NLGN1: variants seen among roughly 807,000 people sequenced by gnomAD.
NLGN1 encodes neuroligin 1.
A neutral mutation model predicts 65.5 loss-of-function variants in NLGN1; 12 were observed. The observed-to-expected ratio is 0.18, with a 90% CI of 0.12 to 0.30. The LOEUF (loss-of-function observed/expected upper bound fraction) is 0.30, where lower values mean the gene tolerates loss of function less well. Ranked by LOEUF, NLGN1 falls within the 10% of genes least tolerant of loss-of-function variation. The pLI, the probability that NLGN1 is intolerant of heterozygous loss-of-function variation, is 1.00. For synonymous variants in NLGN1, 350 were observed against 359.5 expected, an observed-to-expected ratio of 0.97 and a Z score of 0.30; for missense variants, 750 against 1,007.1, an observed-to-expected ratio of 0.74 and a Z score of 3.46.
At chr3:174,216,122 T>G (rs1220515263) in intron 4 of NLGN1, among the ~76,000 whole-genome samples, 1 of 152,172 alleles carries the variant, frequency 6.6e-6, no homozygotes, top group Non-Finnish European at 1.5e-5. Context: ...TGTTCTTTAA[T>G]AATTCCTATT....
intron 3 of NLGN1, among the ~76,000 whole-genome samples, chr3:173,770,549 A>T (rs1194990155): frequency 6.6e-6 from 1 of 152,174 alleles, no homozygotes; most frequent in Non-Finnish European, 1.5e-5. Flanking sequence ...ACTGGAATAT[A>T]TCTAAAATTT....
chr3:174,127,507 T>C (rs1201402664), intron 4 of NLGN1, among the ~76,000 whole-genome samples: 1 of 151,992 alleles, frequency 6.6e-6, no homozygotes, highest in Non-Finnish European at 1.5e-5. Context: ...ATAGTAATAC[T>C]CCCTCCTTCT....
chr3:173,521,655 C>A (rs1363428930), intron 2 of NLGN1, among the ~76,000 whole-genome samples: 1 of 152,112 alleles, frequency 6.6e-6, no homozygotes, highest in South Asian at 2.1e-4. Context: ...CTTCCAGAAC[C>A]TCCCAGGCTG....
rs9857373 is a variant in NLGN1 at position 173,501,167 on chromosome 3, G to A, written c.-321+66089G>A. On this transcript the variant is annotated intron_variant, in intron 2 of 6. Transcript: ENST00000457714. ...GCAGGATGTGCAGGTTTGTTACTTA[G>A]TGCCATGGTGGTTTGCTGCGCCTAT... 9.0e-3 allele frequency among the ~76,000 whole-genome samples: 1,376 copies of A among 152,056 alleles called. 24 individuals carry two copies. The highest frequency in any genetic ancestry group is 0.032 in the African/African-American group (1,326 of 41,488).
Position 173,475,261 on chromosome 3 carries a change from T to A in NLGN1, c.-321+40183T>A, listed in dbSNP as rs1725996107. Among the ~76,000 whole-genome samples, 3 of 152,160 alleles carry A rather than the reference T, an allele frequency of 2.0e-5. No individual in the cohort carries two copies. In the South Asian group the frequency reaches 6.2e-4, roughly 31 times the overall value. ...GCAGTCAAAGCTATTTATACATGAA[T>A]AACAAGTTATTCATATATGCTTTAA... On this transcript the variant is annotated intron_variant, in intron 2 of 6. Transcript: ENST00000457714.
At chr3:173,672,847 T>A (rs1282875204) in intron 3 of NLGN1, among the ~76,000 whole-genome samples, 1 of 152,192 alleles carries the variant, frequency 6.6e-6, no homozygotes, top group East Asian at 1.9e-4. Context: ...CAATGTCACT[T>A]TACAACAGCA....
intron 4 of NLGN1, among the ~76,000 whole-genome samples, chr3:174,203,433 T>C (rs1734859428): frequency 6.6e-6 from 1 of 152,218 alleles, no homozygotes; most frequent in Admixed American, 6.5e-5. Flanking sequence ...TCTTGGGCAG[T>C]TCGATGTGGA....
chr3:173,755,133 G>A (rs890618373), intron 3 of NLGN1, among the ~76,000 whole-genome samples: 43 of 152,002 alleles, frequency 2.8e-4, no homozygotes, highest in African/African-American at 1.0e-3. Flanking sequence ...TTTGGGTACT[G>A]TTTGGCAATT....
chr3:173,548,514 T>G (rs1740291905), intron 2 of NLGN1, among the ~76,000 whole-genome samples: 1 of 151,656 alleles, frequency 6.6e-6, no homozygotes, highest in Non-Finnish European at 1.5e-5. Context: ...CATGTGATGC[T>G]TCTGTAGTGG....
chr3:173,987,440 C>T (rs1471185916), intron 4 of NLGN1, among the ~76,000 whole-genome samples: 1 of 152,034 alleles, frequency 6.6e-6, no homozygotes, highest in Non-Finnish European at 1.5e-5. Context: ...GAATTCATTG[C>T]CCATGTTTAA....
At chr3:173,754,024 C>CTTTTTTTTTTTTTTTTTTTTTTTTTTTTT (rs71162358) in intron 3 of NLGN1, among the ~76,000 whole-genome samples, 3 of 121,616 alleles carry the variant, frequency 2.5e-5, no homozygotes, top group African/African-American at 6.1e-5. Context: ...TCTTTCTTTT[C>CTTTTTTTTTTTTTTTTTTTTTTTTTTTTT]TTTTTTTTTT....
chr3:173,990,713 C>T (rs974576661), intron 4 of NLGN1, among the ~76,000 whole-genome samples: 5 of 151,982 alleles, frequency 3.3e-5, no homozygotes, highest in Non-Finnish European at 4.4e-5. Flanking sequence ...GTAAACAACC[C>T]ACAGCTGTTT....
intron 2 of NLGN1, among the ~76,000 whole-genome samples, chr3:173,568,598 C>T (rs957675864): frequency 3.9e-5 from 6 of 152,114 alleles, no homozygotes; most frequent in African/African-American, 1.4e-4. Flanking sequence ...CAACAGTGAA[C>T]AAAAGTATTT....
At chr3:173,800,555 A>G (rs1169115863) in intron 3 of NLGN1, among the ~76,000 whole-genome samples, 1 of 151,496 alleles carries the variant, frequency 6.6e-6, no homozygotes, top group African/African-American at 2.4e-5. Context: ...TTACATTTTG[A>G]TGCCAACCAT....
intron 4 of NLGN1, among the ~76,000 whole-genome samples, chr3:174,122,837 C>A (rs1003756461): frequency 2.6e-5 from 4 of 151,148 alleles, no homozygotes; most frequent in Non-Finnish European, 5.9e-5. Flanking sequence ...CTATCTATGC[C>A]GATGTTTTTG....
At chr3:173,866,213 A>AAATGTTTCATTT (rs1163796886) in intron 4 of NLGN1, among the ~76,000 whole-genome samples, 5 of 152,196 alleles carry the variant, frequency 3.3e-5, no homozygotes, top group Admixed American at 1.3e-4. Context: ...TTCTGATGTT[A>AAATGTTTCATTT]GGAGCAGGCA....
intron 4 of NLGN1, among the ~76,000 whole-genome samples, chr3:173,930,323 A>G (rs1743864334): frequency 6.6e-6 from 1 of 152,190 alleles, no homozygotes; most frequent in Non-Finnish European, 1.5e-5. Flanking sequence ...TCTGGCAAAA[A>G]ATGTTCAAGT....
At chr3:174,236,603 C>T (rs944054197) in intron 4 of NLGN1, among the ~76,000 whole-genome samples, 2 of 151,928 alleles carry the variant, frequency 1.3e-5, no homozygotes, top group African/African-American at 4.8e-5. Context: ...GTTCTTAGTG[C>T]TTGCTTTGAG....
At chr3:173,672,548 GT>G (rs1452461151) in intron 3 of NLGN1, among the ~76,000 whole-genome samples, 1 of 152,130 alleles carries the variant, frequency 6.6e-6, no homozygotes, top group African/African-American at 2.4e-5. Flanking sequence ...TGTCTTATCA[GT>G]ACAATGGGGA....
Sources: gnomAD v4.1 joint callset for allele counts (sites outside exome capture counted in the v4.1 genomes callset) on GRCh38, gnomAD v4.1.1 for gene constraint, MANE v1.5 for transcripts, NCBI Gene and HGNC (gene_info 2026-07-23, HGNC 2026-07-21) for gene names.